Variants in EIF2B3 observed in about 807,000 individuals in gnomAD.
EIF2B3 encodes translation initiation factor eIF2B subunit gamma.
In EIF2B3, 20 loss-of-function variants were observed where a neutral mutation model predicts 54.1. The observed-to-expected ratio is 0.37, with a 90% CI of 0.26 to 0.54. The LOEUF (loss-of-function observed/expected upper bound fraction) is 0.54, where lower values mean the gene tolerates loss of function less well. EIF2B3 is among the 20% of genes least tolerant of loss of function. The pLI is 0.86. For missense variants in EIF2B3, 448 were observed against 547.8 expected (o/e 0.82, Z 1.82); for synonymous variants, 153 against 188.1 (o/e 0.81, Z 1.52).
In EIF2B3 at chr1:44,897,050, G is replaced by A. The variant is rs144819557; in HGVS notation, c.656+305C>T. On this transcript the variant is annotated intron_variant, in intron 6 of 11. Coordinates refer to ENST00000360403, the MANE Select transcript of EIF2B3 (RefSeq NM_020365.5). ...GCTGTGGAGCTCACTCCTGTCAAAGGAGGGAAGAAGAGCCTGGAACTGGGC... is the reference window on the plus strand; with the variant it reads ...GCTGTGGAGCTCACTCCTGTCAAAGAAGGGAAGAAGAGCCTGGAACTGGGC... Among the ~76,000 whole-genome samples the A allele has an allele frequency of 4.7e-3, 723 of 152,324 alleles. 2 individuals are homozygous for A. The highest frequency in any genetic ancestry group is 7.3e-3 in the East Asian group (38 of 5,182).
At chr1:44,866,556 C>G (rs1654789392) in intron 10 of EIF2B3, among the ~76,000 whole-genome samples, 1 of 151,158 alleles carries the variant, frequency 6.6e-6, no homozygotes, top group Non-Finnish European at 1.5e-5. Context: ...ATGGCTATGA[C>G]AATTTTTTTT....
At chr1:44,856,256 T>A (rs1383139329) in intron 11 of EIF2B3, among the ~76,000 whole-genome samples, 1 of 152,256 alleles carries the variant, frequency 6.6e-6, no homozygotes, top group East Asian at 1.9e-4. Flanking sequence ...GGCTCATACC[T>A]GTAATCTCAG....
chr1:44,878,736 T>C (rs1422207997), intron 8 of EIF2B3, among the ~76,000 whole-genome samples: 1 of 151,830 alleles, frequency 6.6e-6, no homozygotes, highest in Non-Finnish European at 1.5e-5. Flanking sequence ...GTTCCCTCAA[T>C]TATTTATCTT....
intron 6 of EIF2B3, among the ~76,000 whole-genome samples, chr1:44,894,009 G>C (rs1317190654): frequency 6.6e-6 from 1 of 152,114 alleles, no homozygotes; most frequent in Non-Finnish European, 1.5e-5. Context: ...ACAATCTAGG[G>C]CCCTGACTCA....
At chr1:44,922,869 T>C (rs1409633027) in intron 5 of EIF2B3, among the ~76,000 whole-genome samples, 2 of 117,260 alleles carry the variant, frequency 1.7e-5, no homozygotes, top group African/African-American at 3.1e-5. Flanking sequence ...TTTTTGAGAC[T>C]GAGTCTTGCT....
chr1:44,909,559 G>A (rs555593859), intron 5 of EIF2B3, among the ~76,000 whole-genome samples: 1 of 152,220 alleles, frequency 6.6e-6, no homozygotes, highest in South Asian at 2.1e-4. Flanking sequence ...GCAGGAGATT[G>A]GAAGATTTTT....
At chr1:44,920,425 A>AAATT (rs1258060522) in intron 5 of EIF2B3, among the ~76,000 whole-genome samples, 1 of 152,186 alleles carries the variant, frequency 6.6e-6, no homozygotes, top group African/African-American at 2.4e-5. Context: ...ATGTACAATT[A>AAATT]AATTATTTTT....
chr1:44,901,704 C>T (rs978548340), intron 5 of EIF2B3, among the ~76,000 whole-genome samples: 1 of 151,778 alleles, frequency 6.6e-6, no homozygotes, highest in African/African-American at 2.4e-5. Flanking sequence ...GGACTATAGG[C>T]ACGTGACACC....
chr1:44,873,951 G>C (rs1655042084), intron 10 of EIF2B3, among the ~76,000 whole-genome samples: 1 of 151,948 alleles, frequency 6.6e-6, no homozygotes, highest in Admixed American at 6.6e-5. Context: ...TGCCGGGCCA[G>C]AAGTGTTTTA....
intron 10 of EIF2B3, among the ~76,000 whole-genome samples, chr1:44,860,420 C>A (rs887037836): frequency 1.3e-5 from 2 of 152,108 alleles, no homozygotes; most frequent in Non-Finnish European, 2.9e-5. Flanking sequence ...TGGTAGGTCT[C>A]GGATAGGAGC....
intron 5 of EIF2B3, 150 bp from the exon 6 acceptor site, chr1:44,897,594 T>C: frequency 3.0e-6 from 2 of 673,286 alleles, no homozygotes; most frequent in Non-Finnish European, 5.2e-6. Flanking sequence ...ACCAGGACAG[T>C]GGACCCCAGC....
chr1:44,969,636 C>G (rs984241498), intron 3 of EIF2B3, among the ~76,000 whole-genome samples: 2 of 151,962 alleles, frequency 1.3e-5, no homozygotes, highest in African/African-American at 4.8e-5. Context: ...TGGGAGAAAG[C>G]AAGTTGGGTA....
At chr1:44,902,505 A>T (rs1477101915) in intron 5 of EIF2B3, among the ~76,000 whole-genome samples, 1 of 151,752 alleles carries the variant, frequency 6.6e-6, no homozygotes, top group Non-Finnish European at 1.5e-5. Context: ...CATAATAATT[A>T]AAAAAAAGAA....
intron 11 of EIF2B3, among the ~76,000 whole-genome samples, chr1:44,854,589 CT>C (rs34735930): frequency 1.4e-3 from 186 of 136,618 alleles, no homozygotes; most frequent in Middle Eastern, 3.8e-3. Flanking sequence ...TGCATTATGT[CT>C]TTTTTTTTTT....
chr1:44,981,176 A>C lies in EIF2B3; in HGVS notation c.-8T>G. The C allele has an allele frequency of 1.2e-6, 2 of 1,613,376 alleles. No homozygotes were observed. The highest frequency in any genetic ancestry group is 2.7e-5 in the African/African-American group (2 of 74,806). ...TACTGCTTGAAATTCCATTTTTACA[A>C]ACTGCAAGTACAGAAAAAACAATTA... is the stretch of plus-strand genomic sequence containing the variant. On this transcript the variant is annotated splice_region_variant and 5_prime_UTR_variant, in exon 2 of 12. Transcript: ENST00000360403.
intron 3 of EIF2B3, among the ~76,000 whole-genome samples, chr1:44,962,561 C>T (rs995820359): frequency 6.6e-6 from 1 of 152,156 alleles, no homozygotes; most frequent in African/African-American, 2.4e-5. Flanking sequence ...CTGGTGCACA[C>T]CACTGTACCT....
chr1:44,935,594 G>T (rs1216360018), intron 4 of EIF2B3, among the ~76,000 whole-genome samples: 1 of 152,156 alleles, frequency 6.6e-6, no homozygotes, highest in East Asian at 1.9e-4. Flanking sequence ...CTGCCTCCCG[G>T]GTTCAAGCAA....
intron 5 of EIF2B3, among the ~76,000 whole-genome samples, chr1:44,926,088 C>T (rs1329285898): frequency 5.4e-5 from 8 of 147,580 alleles, no homozygotes; most frequent in African/African-American, 1.8e-4. Context: ...ATTAGCTGGG[C>T]GTGGTGGCGC....
intron 5 of EIF2B3, among the ~76,000 whole-genome samples, chr1:44,926,404 A>G (rs977255896): frequency 2.0e-5 from 3 of 151,864 alleles, no homozygotes; most frequent in Admixed American, 2.0e-4. Context: ...GCTTTGCTTT[A>G]CTCTTTTGCA....
Sources: allele counts gnomAD v4.1 joint callset (sites outside exome capture counted in the v4.1 genomes callset), GRCh38; gene constraint gnomAD v4.1.1; transcripts MANE v1.5; gene names NCBI Gene and HGNC (gene_info 2026-07-23, HGNC 2026-07-21).